Variants in ADCK2 observed in about 807,000 individuals in gnomAD.
ADCK2 encodes the protein aarF domain containing kinase 2.
ADCK2 carries 37 observed loss-of-function variants against 52.3 expected under a neutral mutation model. The observed-to-expected ratio is 0.71, with a 90% CI of 0.54 to 0.93. ADCK2 has a LOEUF of 0.93. Among genes scored for constraint, ADCK2 ranks in the 40% least tolerant of loss-of-function variants. The pLI, the probability that ADCK2 is intolerant of heterozygous loss-of-function variation, is 0.00. For synonymous variants in ADCK2, 321 were observed against 349.2 expected (o/e 0.92, Z 0.90); for missense variants, 695 against 798.7 (o/e 0.87, Z 1.56).
At position 140,678,360 on chromosome 7, in the gene ADCK2, T is replaced by C. The variant is rs186459434; in HGVS notation, c.1081-795T>C. Among the ~76,000 whole-genome samples, 1 of 151,292 alleles carries C rather than the reference T, an allele frequency of 6.6e-6. No homozygotes were observed. Among genetic ancestry groups the C allele is most frequent in the East Asian group, 1.9e-4 (1 of 5,144 alleles). On this transcript the variant is annotated intron_variant, in intron 2 of 7. Coordinates refer to ENST00000072869, the MANE Select transcript of ADCK2 (RefSeq NM_052853.4). This position sits in a 1 kb window ranked among gnomAD's most constrained non-coding sequence, Gnocchi z 4.9. ...GGGCTCCCACCGGGCCACATCCAGGTGTCATTGGATATATCACTCTGGAGA... is the reference window on the plus strand; with the variant it reads ...GGGCTCCCACCGGGCCACATCCAGGCGTCATTGGATATATCACTCTGGAGA...
At chr7:140,686,772 T>C (rs1346101189) in intron 4 of ADCK2, among the ~76,000 whole-genome samples, 1 of 152,184 alleles carries the variant, frequency 6.6e-6, no homozygotes, top group Admixed American at 6.5e-5. Flanking sequence ...AAAATGCTTT[T>C]TACTTTGAAA....
At chr7:140,684,373 C>T (rs922322775) in intron 4 of ADCK2, among the ~76,000 whole-genome samples, 4 of 152,118 alleles carry the variant, frequency 2.6e-5, no homozygotes, top group South Asian at 2.1e-4. Context: ...GTTATGGCTG[C>T]CTTCGTTGGC....
intron 7 of ADCK2, among the ~76,000 whole-genome samples, chr7:140,692,176 A>G (rs1585856308): frequency 6.6e-6 from 1 of 152,314 alleles, no homozygotes; most frequent in Non-Finnish European, 1.5e-5. Context: ...CTCTACAGCC[A>G]TTGACCAGCT....
Position 140,674,399 on chromosome 7 carries a change from T to C in ADCK2, c.933+136T>C, listed in dbSNP as rs879459529. 1.1e-4 allele frequency: 123 copies of C among 1,164,304 alleles called. No homozygotes were observed. Among genetic ancestry groups the C allele is most frequent in the Middle Eastern group, 4.4e-4 (2 of 4,514 alleles). 72.1% of individuals were successfully genotyped at this position (1,164,304 alleles called of 1,614,324 possible). A position where few individuals can be genotyped will look rare whatever the true frequency, so the allele number is the denominator to read the frequency against. ...TGAGTGCTTATTTCATGCAAGCTGT[T>C]TCATTTATTGGCTTGAAGTGGCGGT... On this transcript the variant is annotated intron_variant, in intron 1 of 7. Transcript: ENST00000072869. This position sits in a 1 kb window ranked among gnomAD's most constrained non-coding sequence, Gnocchi z 4.6.
At chr7:140,681,474 C>T (rs1358694394) in intron 4 of ADCK2, among the ~76,000 whole-genome samples, 8 of 152,022 alleles carry the variant, frequency 5.3e-5, no homozygotes, top group Admixed American at 2.0e-4. Context: ...CCCGCCACCA[C>T]GCCTGGCTAA....
chr7:140,683,263 G>C (rs528481119), intron 4 of ADCK2, among the ~76,000 whole-genome samples: 1 of 152,190 alleles, frequency 6.6e-6, no homozygotes, highest in South Asian at 2.1e-4. Context: ...CCAGCCTGGC[G>C]ACAGAGCGAG....
At chr7:140,675,151 G>T (rs1305894189) in intron 2 of ADCK2, among the ~76,000 whole-genome samples, 2 of 152,146 alleles carry the variant, frequency 1.3e-5, no homozygotes, top group African/African-American at 4.8e-5. Flanking sequence ...GCTGAGGCAT[G>T]AGAATTGCTT....
chr7:140,681,259 A>T, intron 4 of ADCK2, 122 bp downstream of exon 4: 1 of 849,932 alleles, frequency 1.2e-6, no homozygotes, highest in Non-Finnish European at 1.9e-6. Flanking sequence ...CCAGGTTGAG[A>T]AAGTCTGGTC....
intron 4 of ADCK2, among the ~76,000 whole-genome samples, chr7:140,685,688 C>T (rs1382221016): frequency 6.6e-6 from 1 of 152,070 alleles, no homozygotes; most frequent in Non-Finnish European, 1.5e-5. Context: ...GGGTCTATGG[C>T]CTGGATTTAC....
intron 5 of ADCK2, among the ~76,000 whole-genome samples, chr7:140,689,268 C>G (rs1794661402): frequency 6.6e-6 from 1 of 151,884 alleles, no homozygotes; most frequent in African/African-American, 2.4e-5. Flanking sequence ...GCATCTGGCT[C>G]TTTTTAAAAA....
At chr7:140,676,026 T>C (rs971683298) in intron 2 of ADCK2, among the ~76,000 whole-genome samples, 2 of 152,260 alleles carry the variant, frequency 1.3e-5, no homozygotes, top group Admixed American at 6.5e-5. Context: ...TAGGGATTCA[T>C]TCCAATGTTT....
At chr7:140,675,625 G>T (rs1355303671) in intron 2 of ADCK2, among the ~76,000 whole-genome samples, 1 of 152,228 alleles carries the variant, frequency 6.6e-6, no homozygotes, top group Non-Finnish European at 1.5e-5. Context: ...CCTGTTCACT[G>T]ATCAGAGCTG....
Position 140,687,124 on chromosome 7 carries a change from G to T in ADCK2, c.1440G>T (p.Val480=). Residue 480 remains valine, a synonymous_variant, in exon 5 of 8, where the codon GTG becomes GTT. Transcript: ENST00000072869. ...ADICDTLVVA[V]PSSLCPLRLV... The stretch of plus-strand genomic sequence containing the variant: ...TCTGTGACACTCTGGTGGTGGCCGT[G>T]CCATCTTCCCTCTGCCCGCTGCGAC... 1 of 1,613,752 alleles carries T rather than the reference G, an allele frequency of 6.2e-7. No individual in the cohort carries two copies. The highest frequency in any genetic ancestry group is 1.7e-4 in the Middle Eastern group (1 of 5,858).
In ADCK2 at chr7:140,689,668, A is replaced by G; in HGVS notation, c.1629A>G (p.Lys543=). 6.2e-7 allele frequency: 1 copy of G among 1,613,662 alleles called. No individual in the cohort carries two copies. The highest frequency in any genetic ancestry group is 8.5e-7 in the Non-Finnish European group (1 of 1,179,784). ...AGTGCAGGGACGTGGAGGGGTTCAA[A>G]ACCGAGATGGCCATGCTGGTGACCC... ...ASECRDVEGF[K]TEMAMLVTQA... is the part of the protein sequence containing the mutation. Residue 543 remains lysine (K), a synonymous_variant, in exon 6 of 8, where the codon AAA becomes AAG. Transcript: ENST00000072869.
chr7:140,688,732 T>C (rs1400080093), intron 5 of ADCK2, among the ~76,000 whole-genome samples: 1 of 152,190 alleles, frequency 6.6e-6, no homozygotes, highest in Non-Finnish European at 1.5e-5. Context: ...CACAGCATGC[T>C]GGCACGTCCG....
In ADCK2 at chr7:140,680,725, T is replaced by A. The variant is rs143526725; in HGVS notation, c.1210-317T>A. On this transcript the variant is annotated intron_variant, in intron 3 of 7. Transcript: ENST00000072869. ...TTGTTTTGTTTTGTTTGAGACAGAG[T>A]CTCTGTCACTCAGGCTAGAGTGCAG... 2.6e-5 allele frequency among the ~76,000 whole-genome samples: 4 copies of A among 152,168 alleles called. No homozygotes were observed. The East Asian group carries it at 7.7e-4, about 29-fold the overall frequency.
intron 2 of ADCK2, among the ~76,000 whole-genome samples, chr7:140,675,041 G>C (rs1001181598): frequency 1.3e-5 from 2 of 152,062 alleles, no homozygotes; most frequent in Non-Finnish European, 2.9e-5. Flanking sequence ...CCAGGAGTTC[G>C]AGATCAGCCT....
intron 6 of ADCK2, among the ~76,000 whole-genome samples, 184 bp from the exon 7 acceptor site, chr7:140,690,576 T>C (rs2130792053): frequency 6.6e-6 from 1 of 151,858 alleles, no homozygotes; most frequent in Non-Finnish European, 1.5e-5. Context: ...TGAGGTGGAG[T>C]TGGGCTTGTG....
In ADCK2 at chr7:140,687,220, C is replaced by T. The variant is rs748973070; in HGVS notation, c.1536C>T (p.Phe512=). 6.4e-7 allele frequency: 1 copy of T among 1,573,132 alleles called. No individual in the cohort carries two copies. The highest frequency in any genetic ancestry group is 1.8e-4 in the Middle Eastern group (1 of 5,502). The change falls in exon 5 of 8, where the codon TTC becomes TTT. Residue 512 remains phenylalanine (F), a synonymous_variant. Coordinates refer to ENST00000072869, the MANE Select transcript of ADCK2 (RefSeq NM_052853.4). Reference sequence around the variant, plus strand: ...ACCTGAGGAATTTCCGGGCAGTTTTCATGGCTGTGGTGATGGGGCAGGTGA... The same window carrying T: ...ACCTGAGGAATTTCCGGGCAGTTTTTATGGCTGTGGTGATGGGGCAGGTGA... ...APDLRNFRAV[F]MAVVMGQGQR...
Sources: gnomAD v4.1 joint callset for allele counts (sites outside exome capture counted in the v4.1 genomes callset) on GRCh38, gnomAD v4.1.1 for gene constraint, Gnocchi (gnomAD v3.1) non-coding constraint, MANE v1.5 for transcripts, NCBI Gene and HGNC (gene_info 2026-07-23, HGNC 2026-07-21) for gene names.